TRAF3IP2: variants seen among roughly 807,000 people sequenced by gnomAD.
The protein encoded by TRAF3IP2 is E3 ubiquitin ligase TRAF3IP2.
TRAF3IP2 carries 35 observed loss-of-function variants against 57.9 expected under a neutral mutation model. The observed-to-expected ratio is 0.60, with a 90% CI of 0.46 to 0.80. TRAF3IP2 has a LOEUF of 0.80. TRAF3IP2 is among the 30% of genes least tolerant of loss of function. The probability of loss-of-function intolerance (pLI) is 0.00; values close to 1 mark genes in which losing one functional copy is unlikely to be tolerated. For missense variants in TRAF3IP2, 556 were observed against 706.4 expected, an observed-to-expected ratio of 0.79 and a Z score of 2.41; for synonymous variants, 251 against 268.9, an observed-to-expected ratio of 0.93 and a Z score of 0.65.
rs769293100 is a variant in TRAF3IP2 at position 111,591,527 on chromosome 6, C to T, written c.560G>A (p.Arg187Gln). ...MVQRPQPHRNRAGLDLPTIDT... is the reference protein window; with the variant it reads ...MVQRPQPHRNQAGLDLPTIDT... ...TATGGTTGGCAGATCCAGGCCTGCT[C>T]GGTTCCTGTGAGGCTGGGGCCGTTG... Residue 187 changes from arginine to glutamine, a missense_variant, in exon 2 of 9, where the codon CGA becomes CAA. Physicochemically the swap from Arg to Gln is conservative, Grantham distance 43. Transcript: ENST00000368761. This position sits in a 1 kb window ranked among gnomAD's most constrained non-coding sequence, Gnocchi z 4.9. 92 of 1,613,896 alleles carry T rather than the reference C, an allele frequency of 5.7e-5. 1 individual carries two copies. In the East Asian group the frequency reaches 6.5e-4, roughly 11 times the overall value.
intron 1 of TRAF3IP2, chr6:111,594,532 T>C: frequency 2.2e-6 from 1 of 450,604 alleles, no homozygotes; most frequent in African/African-American, 2.0e-5. Flanking sequence ...TCTGGGGGCT[T>C]GGAGGAGGCT....
intron 5 of TRAF3IP2, among the ~76,000 whole-genome samples, chr6:111,568,241 T>A (rs1248806928): frequency 1.3e-5 from 2 of 152,124 alleles, no homozygotes; most frequent in Non-Finnish European, 2.9e-5. Context: ...ACAAAAACAA[T>A]TACTGAAACG....
Position 111,591,057 on chromosome 6 carries a change from C to A in TRAF3IP2, c.829+201G>T, listed in dbSNP as rs1416139290. On this transcript the variant is annotated intron_variant, in intron 2 of 8. Coordinates refer to ENST00000368761, the MANE Select transcript of TRAF3IP2 (RefSeq NM_147686.4). This position sits in a 1 kb window ranked among gnomAD's most constrained non-coding sequence, Gnocchi z 4.9. Reference sequence around the variant, plus strand: ...CTAGAGAAGGAGACTCCAAGTGGGACAGGCTTTAGGCTAAGAAAAAGCATT... The same window carrying A: ...CTAGAGAAGGAGACTCCAAGTGGGAAAGGCTTTAGGCTAAGAAAAAGCATT... Among the ~76,000 whole-genome samples the A allele has an allele frequency of 6.6e-6, 1 of 152,162 alleles. No individual in the cohort carries two copies. Among genetic ancestry groups the A allele is most frequent in the Admixed American group, 6.5e-5 (1 of 15,280 alleles).
At chr6:111,580,011 A>G (rs2128377686) in intron 3 of TRAF3IP2, among the ~76,000 whole-genome samples, 186 bp downstream of exon 3, 1 of 152,348 alleles carries the variant, frequency 6.6e-6, no homozygotes, top group Non-Finnish European at 1.5e-5. Context: ...TGTCTGATAA[A>G]GAGATCCTTG....
At chr6:111,566,597 T>A (rs766064422) in intron 6 of TRAF3IP2, 37 bp from the exon 7 acceptor site, 1 of 1,575,210 alleles carries the variant, frequency 6.3e-7, no homozygotes, top group East Asian at 2.2e-5. Context: ...TTTATGGAAG[T>A]GTACCAGCAG....
intron 2 of TRAF3IP2, among the ~76,000 whole-genome samples, chr6:111,583,377 G>A (rs1293696539): frequency 6.6e-6 from 1 of 152,216 alleles, no homozygotes. Flanking sequence ...TTAGGAACCA[G>A]GCCACACAGT....
intron 4 of TRAF3IP2, 107 bp downstream of exon 4, chr6:111,575,529 AGTGAGCT>A: frequency 8.3e-7 from 1 of 1,198,966 alleles, no homozygotes; most frequent in African/African-American, 1.6e-5. Flanking sequence ...CGGAGCTTGC[AGTGAGCT>A]GAGATCGCAC....
rs143410214 is a variant in TRAF3IP2, at chr6:111,564,976, A to G, written c.1476+1468T>C. ...GGGCCGGCAGCACCCCGAGCCAGCC[A>G]TGACCTTTTCAGGCAGTTTACTCCC... On this transcript the variant is annotated intron_variant, in intron 7 of 8. Transcript: ENST00000368761. Among the ~76,000 whole-genome samples the G allele has an allele frequency of 2.0e-4, 30 of 152,326 alleles. 1 individual carries two copies. The East Asian group carries it at 5.4e-3, about 27-fold the overall frequency.
chr6:111,585,588 C>A (rs1335833637), intron 2 of TRAF3IP2, among the ~76,000 whole-genome samples: 1 of 152,104 alleles, frequency 6.6e-6, no homozygotes, highest in Non-Finnish European at 1.5e-5. Context: ...TAAACACAAA[C>A]CCACACTAGT....
At chr6:111,594,500 T>C in intron 1 of TRAF3IP2, 1 of 453,328 alleles carries the variant, frequency 2.2e-6, no homozygotes. Flanking sequence ...TTGCAAATTC[T>C]ACTCTTCTAG....
chr6:111,596,989 C>T (rs1382623021), intron 1 of TRAF3IP2, among the ~76,000 whole-genome samples: 2 of 152,194 alleles, frequency 1.3e-5, no homozygotes, highest in Non-Finnish European at 2.9e-5. Flanking sequence ...TAAAGATTCA[C>T]TGAATGAATA....
At position 111,591,183 on chromosome 6, in the gene TRAF3IP2, C is replaced by G; in HGVS notation, c.829+75G>C. The G allele has an allele frequency of 8.3e-7, 1 of 1,199,818 alleles. No individual in the cohort carries two copies. Among genetic ancestry groups the G allele is most frequent in the Non-Finnish European group, 1.1e-6 (1 of 879,312 alleles). The allele number at this position is 1,199,818 out of a possible 1,614,324, so 74.3% of individuals were successfully genotyped here. A position where few individuals can be genotyped will look rare whatever the true frequency, so the allele number is the denominator to read the frequency against. On this transcript the variant is annotated intron_variant, in intron 2 of 8. Transcript: ENST00000368761. This position sits in a 1 kb window ranked among gnomAD's most constrained non-coding sequence, Gnocchi z 4.9. ...ACCTGTTCATGCCAGCCTAGTGACA[C>G]GAAGCATTGATGTGAGGCCCTTGTT...
intron 1 of TRAF3IP2, among the ~76,000 whole-genome samples, chr6:111,603,239 G>A (rs908405607): frequency 1.3e-5 from 2 of 152,188 alleles, no homozygotes; most frequent in Non-Finnish European, 2.9e-5. Context: ...TGAGTTTCAT[G>A]AACTAAAAAT....
intron 1 of TRAF3IP2, among the ~76,000 whole-genome samples, chr6:111,595,351 A>G (rs1419138764): frequency 1.3e-5 from 2 of 152,374 alleles, no homozygotes; most frequent in East Asian, 3.9e-4. Flanking sequence ...ATAATCTTTA[A>G]AAAACAAAAT....
At chr6:111,585,500 G>T (rs945133817) in intron 2 of TRAF3IP2, among the ~76,000 whole-genome samples, 8 of 152,102 alleles carry the variant, frequency 5.3e-5, no homozygotes, top group African/African-American at 1.7e-4. Flanking sequence ...AGATAAATAG[G>T]ATACAGTTCC....
rs1795637153 is a variant in TRAF3IP2 at position 111,566,449 on chromosome 6, G to A, written c.1471C>T (p.Arg491Ter). 1 of 1,612,706 alleles carries A rather than the reference G, an allele frequency of 6.2e-7. No individual in the cohort carries two copies. The change falls in exon 7 of 9, where the codon CGA becomes TGA. Residue 491 changes from arginine (R) to a stop codon, truncating the protein, a stop_gained. Coordinates refer to ENST00000368761, the MANE Select transcript of TRAF3IP2 (RefSeq NM_147686.4). LOFTEE classifies it high-confidence loss of function. ...GTGATCCCCTCCCCACTCACCATTC[G>A]ATGAATGTACTTAGTATGTAAGCCA... ...EHGLHTKYIH[R>*]MMQIEFIKQG...
intron 3 of TRAF3IP2, among the ~76,000 whole-genome samples, chr6:111,577,910 G>A (rs1054726606): frequency 4.6e-5 from 7 of 151,402 alleles, no homozygotes; most frequent in African/African-American, 1.5e-4. Flanking sequence ...ATGGGTTTTC[G>A]CTATGTTGCC....
intron 2 of TRAF3IP2, among the ~76,000 whole-genome samples, chr6:111,588,041 C>T (rs1411344549): frequency 3.3e-5 from 5 of 152,216 alleles, no homozygotes; most frequent in African/African-American, 1.2e-4. Context: ...CACCAATTTA[C>T]ACTCCTATCA....
chr6:111,564,936 G>T (rs1301777358), intron 7 of TRAF3IP2, among the ~76,000 whole-genome samples: 1 of 152,182 alleles, frequency 6.6e-6, no homozygotes, highest in African/African-American at 2.4e-5. Context: ...ATGCAGACAT[G>T]CATCAGACAA....
Sources: allele counts gnomAD v4.1 joint callset (sites outside exome capture counted in the v4.1 genomes callset), GRCh38; gene constraint gnomAD v4.1.1; non-coding constraint Gnocchi (gnomAD v3.1); transcripts MANE v1.5; gene names NCBI Gene and HGNC (gene_info 2026-07-23, HGNC 2026-07-21).